Variants in ZBBX observed in about 807,000 individuals in gnomAD.
ZBBX encodes the protein zinc finger B-box domain-containing protein 1.
In ZBBX, 101 loss-of-function variants were observed where a neutral mutation model predicts 108.5. The ratio of observed to expected loss-of-function variants is 0.93; its 90% CI spans 0.79 to 1.10. The LOEUF is 1.10. Ranked by LOEUF, ZBBX falls within the 50% of genes least tolerant of loss-of-function variation. The pLI is 0.00. For missense variants in ZBBX, 1,009 were observed against 941.4 expected (o/e 1.07, Z -0.94); for synonymous variants, 356 against 323.4 (o/e 1.10, Z -1.08).
At chr3:167,223,703 C>A in the ZBBX span, among the ~76,000 whole-genome samples, 1 of 151,858 alleles carries the variant, frequency 6.6e-6, no homozygotes, top group Non-Finnish European at 1.5e-5. Context: ...GAAATTCAGG[C>A]AAAATTTTTG....
At chr3:167,306,020 C>G in intron 16 of ZBBX, 70 bp from the exon 17 acceptor site, 2 of 1,269,988 alleles carry the variant, frequency 1.6e-6, no homozygotes, top group East Asian at 5.4e-5. Flanking sequence ...GTTAATAAAC[C>G]AAAAGTTCTG....
intron 14 of ZBBX, 39 bp downstream of exon 14, chr3:167,316,966 T>A (rs1458792470): frequency 1.3e-5 from 17 of 1,277,956 alleles, no homozygotes; most frequent in Non-Finnish European, 1.9e-5. Flanking sequence ...AATTCCCTGT[T>A]AAAAATCATG....
intron 9 of ZBBX, among the ~76,000 whole-genome samples, chr3:167,347,492 ATAC>A (rs1297995085): frequency 7.2e-5 from 11 of 152,072 alleles, no homozygotes; most frequent in Non-Finnish European, 1.2e-4. Context: ...AGAAAGAAAA[ATAC>A]TACATGAAAC....
chr3:167,310,223 A>G, intron 16 of ZBBX, among the ~76,000 whole-genome samples: 1 of 152,176 alleles, frequency 6.6e-6, no homozygotes, highest in East Asian at 1.9e-4. Flanking sequence ...CCTAGACTTC[A>G]TTGTCCATTA....
chr3:167,337,599 C>A (rs1037273187), intron 9 of ZBBX, among the ~76,000 whole-genome samples: 1 of 152,108 alleles, frequency 6.6e-6, no homozygotes, highest in African/African-American at 2.4e-5. Flanking sequence ...TGGTACAAAT[C>A]TGGTTTATAG....
At position 167,240,625 on chromosome 3, in the gene ZBBX, T is replaced by C. The variant is rs1720508817; in HGVS notation, c.*168A>G. ...GACATATAATATATCATTGGAAGAA[T>C]AAGCCCTTGAACTTATAATTTTACT... On this transcript the variant is annotated 3_prime_UTR_variant, in exon 22 of 22. Transcript: ENST00000675490. 6.3e-6 allele frequency: 4 copies of C among 634,408 alleles called. No homozygotes were observed. The Admixed American group carries it at 9.8e-5, about 16-fold the overall frequency. 39.3% of individuals were successfully genotyped at this position (634,408 alleles called of 1,614,324 possible).
chr3:167,404,921 G>A (rs952666829), intron 1 of ZBBX, among the ~76,000 whole-genome samples: 3 of 152,140 alleles, frequency 2.0e-5, no homozygotes, highest in African/African-American at 7.2e-5. Context: ...ACTGGTCGGG[G>A]GGAGTAGAAT....
chr3:167,371,928 T>C (rs1746219187), intron 4 of ZBBX, among the ~76,000 whole-genome samples: 1 of 152,140 alleles, frequency 6.6e-6, no homozygotes, highest in South Asian at 2.1e-4. Flanking sequence ...AAAATGATAG[T>C]CTGGGCTGGG....
chr3:167,388,190 C>T (rs997154387), intron 1 of ZBBX, among the ~76,000 whole-genome samples: 4 of 151,854 alleles, frequency 2.6e-5, no homozygotes. Context: ...AAATGAGGAG[C>T]AAGCCATGCA....
At chr3:167,271,717 A>G (rs1355115566) in intron 20 of ZBBX, among the ~76,000 whole-genome samples, 1 of 152,232 alleles carries the variant, frequency 6.6e-6, no homozygotes, top group Non-Finnish European at 1.5e-5. Context: ...CAAGTTATAA[A>G]GAAATCTCCC....
intron 17 of ZBBX, among the ~76,000 whole-genome samples, chr3:167,300,610 T>C (rs1210770931): frequency 3.2e-5 from 4 of 123,120 alleles, no homozygotes; most frequent in South Asian, 2.6e-4. Context: ...CCACCAACCC[T>C]TTTTTTTTTT....
chr3:167,315,333 G>A (rs2108284352), intron 15 of ZBBX, among the ~76,000 whole-genome samples: 1 of 152,226 alleles, frequency 6.6e-6, no homozygotes, highest in South Asian at 2.1e-4. Flanking sequence ...TAGTACAGGA[G>A]CTCTTTTAGT....
chr3:167,196,557 C>T, the ZBBX span, among the ~76,000 whole-genome samples: 1 of 152,090 alleles, frequency 6.6e-6, no homozygotes, highest in Non-Finnish European at 1.5e-5. Context: ...TAAGTAAATA[C>T]ATAACTTAAG....
At chr3:167,276,786 T>A (rs1448821674) in intron 20 of ZBBX, among the ~76,000 whole-genome samples, 2 of 151,802 alleles carry the variant, frequency 1.3e-5, no homozygotes, top group Non-Finnish European at 2.9e-5. Context: ...CCAAGACACA[T>A]AATTGTCAGA....
At chr3:167,199,199 G>C in the ZBBX span, among the ~76,000 whole-genome samples, 1 of 152,184 alleles carries the variant, frequency 6.6e-6, no homozygotes, top group Non-Finnish European at 1.5e-5. Flanking sequence ...GGACATGTGA[G>C]AGATTGTGAA....
At chr3:167,284,180 ATATATC>A (rs1470109619) in intron 19 of ZBBX, among the ~76,000 whole-genome samples, 2 of 93,832 alleles carry the variant, frequency 2.1e-5, no homozygotes, top group African/African-American at 9.4e-5. Flanking sequence ...TGTTAAAAAC[ATATATC>A]TATATCTATA....
At chr3:167,317,840 T>C (rs1395540718) in intron 12 of ZBBX, among the ~76,000 whole-genome samples, 2 of 152,016 alleles carry the variant, frequency 1.3e-5, no homozygotes, top group Non-Finnish European at 2.9e-5. Flanking sequence ...CTGAGTTTTG[T>C]TTAAGCTAAA....
In ZBBX at chr3:167,294,498, T is replaced by G. The variant is rs139280542; in HGVS notation, c.1879+3807A>C. ...TGGGAAAACTGGCTAGCCATAGGCA[T>G]AAAACTGAAACTGGATCCCTTCCTT... On this transcript the variant is annotated intron_variant, in intron 18 of 21. Transcript: ENST00000675490. Among the ~76,000 whole-genome samples, 1,290 of 152,090 alleles carry G rather than the reference T, an allele frequency of 8.5e-3. 12 individuals carry two copies. The highest frequency in any genetic ancestry group is 0.029 in the African/African-American group (1,207 of 41,526).
the ZBBX span, among the ~76,000 whole-genome samples, chr3:167,188,303 A>C: frequency 2.0e-5 from 3 of 152,158 alleles, no homozygotes; most frequent in African/African-American, 7.2e-5. Context: ...CAGATAAAAA[A>C]AGATAGATAT....
Sources: gnomAD v4.1 joint callset for allele counts (sites outside exome capture counted in the v4.1 genomes callset) on GRCh38, gnomAD v4.1.1 for gene constraint, MANE v1.5 for transcripts, NCBI Gene and HGNC (gene_info 2026-07-23, HGNC 2026-07-21) for gene names.